Variants in SLCO3A1 observed in about 807,000 individuals in gnomAD.
SLCO3A1 encodes solute carrier organic anion transporter family member 3A1.
Under a neutral mutation model 63.1 loss-of-function variants are expected in SLCO3A1, and 27 were observed. The ratio of observed to expected loss-of-function variants is 0.43; its 90% CI spans 0.32 to 0.59. The LOEUF (loss-of-function observed/expected upper bound fraction) is 0.59, where lower values mean the gene tolerates loss of function less well. SLCO3A1 is among the 20% of genes least tolerant of loss of function. The pLI is 0.09. For synonymous variants in SLCO3A1, 473 were observed against 409.9 expected (o/e 1.15, Z -1.86); for missense variants, 773 against 945.8 (o/e 0.82, Z 2.40).
At chr15:92,081,653 C>T (rs931593971) in intron 2 of SLCO3A1, among the ~76,000 whole-genome samples, 1 of 152,222 alleles carries the variant, frequency 6.6e-6, no homozygotes, top group African/African-American at 2.4e-5. Flanking sequence ...CAGGTGTGAG[C>T]CACTGCACCC....
At chr15:92,004,709 T>C (rs896259376) in intron 2 of SLCO3A1, among the ~76,000 whole-genome samples, 1 of 152,248 alleles carries the variant, frequency 6.6e-6, no homozygotes, top group African/African-American at 2.4e-5. Context: ...GGAGAACTAA[T>C]GCAGGTGCAT....
intron 2 of SLCO3A1, among the ~76,000 whole-genome samples, chr15:92,011,129 C>T (rs565044621): frequency 1.3e-5 from 2 of 152,362 alleles, no homozygotes; most frequent in African/African-American, 4.8e-5. Context: ...ATAGCAACCC[C>T]GGACATCTTG....
chr15:91,983,522 C>G (rs2046012570), intron 2 of SLCO3A1, among the ~76,000 whole-genome samples: 1 of 152,128 alleles, frequency 6.6e-6, no homozygotes. Context: ...CTGTCCCGGA[C>G]AGATTGAGAA....
At chr15:91,956,301 T>C (rs1900175240) in intron 2 of SLCO3A1, among the ~76,000 whole-genome samples, 1 of 152,150 alleles carries the variant, frequency 6.6e-6, no homozygotes, top group African/African-American at 2.4e-5. Context: ...GAGGAGGATT[T>C]GATGCGAAAT....
chr15:91,979,726 A>G (rs768385944), intron 2 of SLCO3A1, among the ~76,000 whole-genome samples: 1 of 152,232 alleles, frequency 6.6e-6, no homozygotes, highest in Non-Finnish European at 1.5e-5. Context: ...AATAGTATCT[A>G]TGTCCTAAGT....
chr15:92,019,542 G>A (rs2046481273), intron 2 of SLCO3A1, among the ~76,000 whole-genome samples: 1 of 152,222 alleles, frequency 6.6e-6, no homozygotes, highest in African/African-American at 2.4e-5. Context: ...GACACACGCT[G>A]GAAGCACTCC....
At chr15:91,914,655 C>T (rs376534450) in intron 1 of SLCO3A1, among the ~76,000 whole-genome samples, 59 of 151,546 alleles carry the variant, frequency 3.9e-4, no homozygotes, top group African/African-American at 1.3e-3. Flanking sequence ...CTGCAACCGC[C>T]GCCTCCAGGG....
intron 2 of SLCO3A1, among the ~76,000 whole-genome samples, chr15:92,020,144 T>C (rs2046489732): frequency 6.6e-6 from 1 of 152,150 alleles, no homozygotes; most frequent in Admixed American, 6.5e-5. Flanking sequence ...TACCTCAAGT[T>C]TTTTACCAGC....
chr15:92,014,821 G>C (rs374339497), intron 2 of SLCO3A1, among the ~76,000 whole-genome samples: 1 of 152,106 alleles, frequency 6.6e-6, no homozygotes, highest in African/African-American at 2.4e-5. Context: ...GGAACTCAGC[G>C]TCATGGCTTG....
At chr15:92,057,598 C>T (rs1320616527) in intron 2 of SLCO3A1, among the ~76,000 whole-genome samples, 1 of 152,200 alleles carries the variant, frequency 6.6e-6, no homozygotes, top group Admixed American at 6.5e-5. Context: ...TCCTCAGGCC[C>T]CACCTTTGGG....
chr15:91,936,906 CA>C (rs1899432155), intron 2 of SLCO3A1, among the ~76,000 whole-genome samples: 2 of 152,180 alleles, frequency 1.3e-5, no homozygotes, highest in African/African-American at 2.4e-5. Context: ...TTGGGTTCCA[CA>C]AATATGGTCA....
At chr15:91,889,151 T>A (rs753210892) in intron 1 of SLCO3A1, 1 of 1,284,116 alleles carries the variant, frequency 7.8e-7, no homozygotes, top group South Asian at 1.3e-5. Context: ...GCATAAACTC[T>A]TATTGTTCCT....
At chr15:92,051,305 A>G (rs555815015) in intron 2 of SLCO3A1, among the ~76,000 whole-genome samples, 2 of 152,144 alleles carry the variant, frequency 1.3e-5, no homozygotes. Context: ...GTGAGGGCCC[A>G]GAGGCTAGGG....
chr15:91,965,285 G>A (rs1021352947), intron 2 of SLCO3A1, among the ~76,000 whole-genome samples: 1 of 152,158 alleles, frequency 6.6e-6, no homozygotes, highest in African/African-American at 2.4e-5. Context: ...TGGCTCCTCA[G>A]GGATCCCCAA....
rs530137352 is a variant in SLCO3A1 at position 91,897,472 on chromosome 15, C to T, written c.181-18521C>T. Among the ~76,000 whole-genome samples, 1 of 151,182 alleles carries T rather than the reference C, an allele frequency of 6.6e-6. No individual in the cohort carries two copies. The highest frequency in any genetic ancestry group is 2.1e-4 in the South Asian group (1 of 4,812). On this transcript the variant is annotated intron_variant, in intron 1 of 9. Coordinates refer to ENST00000318445, the MANE Select transcript of SLCO3A1 (RefSeq NM_013272.4). The surrounding 1 kb of genome is among the most constrained non-coding windows in gnomAD (Gnocchi z 4.7). ...TCTAAAAACAAACAAACAAACAAAC[C>T]CCCAAAACTTATAAAGCTGGATGTT...
intron 2 of SLCO3A1, among the ~76,000 whole-genome samples, chr15:91,980,759 C>T (rs35973922): frequency 0.22 from 33,211 of 151,922 alleles, 4,110 homozygotes; most frequent in East Asian, 0.34. Flanking sequence ...GTCCCAGGAA[C>T]AACTGGACTT....
rs184508126 is a variant in SLCO3A1 at position 92,042,407 on chromosome 15, T to A, written c.647-52474T>A. Among the ~76,000 whole-genome samples, 7 of 152,092 alleles carry A rather than the reference T, an allele frequency of 4.6e-5. No individual in the cohort carries two copies. The East Asian group carries it at 1.4e-3, about 29-fold the overall frequency. ...TTTTATTATGCCGTCTAGAAAATGA[T>A]TTTGAGGGGATCCACACGGTTGGGC... On this transcript the variant is annotated intron_variant, in intron 2 of 9. Coordinates refer to ENST00000318445, the MANE Select transcript of SLCO3A1 (RefSeq NM_013272.4).
Position 92,027,679 on chromosome 15 carries a change from C to G in SLCO3A1, c.647-67202C>G, listed in dbSNP as rs539127662. Among the ~76,000 whole-genome samples the G allele has an allele frequency of 3.3e-5, 5 of 152,322 alleles. No homozygotes were observed. In the South Asian group the frequency reaches 1.0e-3, roughly 32 times the overall value. On this transcript the variant is annotated intron_variant, in intron 2 of 9. Transcript: ENST00000318445. Reference sequence around the variant, plus strand: ...GAGTGCCACAAGACTGTGCCTTTTGCTTTGTGCCGTTCAACATTTTTATCC... The same window carrying G: ...GAGTGCCACAAGACTGTGCCTTTTGGTTTGTGCCGTTCAACATTTTTATCC...
chr15:91,893,897 G>T (rs1206948568), intron 1 of SLCO3A1, among the ~76,000 whole-genome samples: 1 of 152,188 alleles, frequency 6.6e-6, no homozygotes, highest in African/African-American at 2.4e-5. Context: ...ACGCAGGTAG[G>T]GAACAGATGA....
Sources: allele counts gnomAD v4.1 joint callset (sites outside exome capture counted in the v4.1 genomes callset), GRCh38; gene constraint gnomAD v4.1.1; non-coding constraint Gnocchi (gnomAD v3.1); transcripts MANE v1.5; gene names NCBI Gene and HGNC (gene_info 2026-07-23, HGNC 2026-07-21).